PTPRD: variants seen among roughly 807,000 people sequenced by gnomAD.
PTPRD encodes protein tyrosine phosphatase receptor type D, also known as receptor-type tyrosine-protein phosphatase delta.
Under a neutral mutation model 214.5 loss-of-function variants are expected in PTPRD, and 34 were observed. That is an observed-to-expected ratio of 0.16 (90% confidence interval 0.12 to 0.21). The LOEUF is 0.21. Ranked by LOEUF, PTPRD falls within the 10% of genes least tolerant of loss-of-function variation. The pLI is 1.00. For synonymous variants in PTPRD, 1,128 were observed against 845.7 expected (o/e 1.33, Z -5.79); for missense variants, 2,545 against 2,398.7 (o/e 1.06, Z -1.27).
intron 3 of PTPRD, among the ~76,000 whole-genome samples, chr9:10,078,946 T>A (rs959452864): frequency 6.6e-5 from 10 of 152,150 alleles, no homozygotes; most frequent in South Asian, 2.1e-4. Context: ...GGTTGAACAT[T>A]ATCCAGCTTA....
chr9:9,818,480 T>G (rs1010389371), intron 5 of PTPRD, among the ~76,000 whole-genome samples: 2 of 152,118 alleles, frequency 1.3e-5, no homozygotes, highest in African/African-American at 4.8e-5. Context: ...ATGAGTAATG[T>G]TGATGTTACT....
chr9:9,235,700 A>T (rs1194688416), intron 9 of PTPRD, among the ~76,000 whole-genome samples: 1 of 152,166 alleles, frequency 6.6e-6, no homozygotes, highest in African/African-American at 2.4e-5. Flanking sequence ...AAAGGTCAGA[A>T]TTTTTATCAA....
At chr9:8,564,131 T>A (rs984741721) in intron 14 of PTPRD, among the ~76,000 whole-genome samples, 2 of 148,144 alleles carry the variant, frequency 1.4e-5, no homozygotes, top group East Asian at 2.0e-4. Context: ...GTCAGCCACA[T>A]GATCTGGAGG....
intron 3 of PTPRD, among the ~76,000 whole-genome samples, chr9:10,057,747 G>A (rs2097683373): frequency 6.6e-6 from 1 of 151,838 alleles, no homozygotes; most frequent in Non-Finnish European, 1.5e-5. Context: ...GGAATCTGAG[G>A]GAGGGGAGTT....
At chr9:9,780,910 A>G (rs1200080974) in intron 5 of PTPRD, among the ~76,000 whole-genome samples, 1 of 152,208 alleles carries the variant, frequency 6.6e-6, no homozygotes, top group Admixed American at 6.5e-5. Flanking sequence ...ATAACAAATG[A>G]CTGAGTGAAA....
At chr9:10,563,361 T>A (rs1343363222) in intron 2 of PTPRD, among the ~76,000 whole-genome samples, 2 of 151,884 alleles carry the variant, frequency 1.3e-5, no homozygotes, top group Non-Finnish European at 2.9e-5. Context: ...AAGGAAGAAA[T>A]GAGAAAAAAA....
intron 2 of PTPRD, among the ~76,000 whole-genome samples, chr9:10,375,130 T>C (rs190204203): frequency 1.3e-5 from 2 of 152,146 alleles, no homozygotes; most frequent in Non-Finnish European, 2.9e-5. Flanking sequence ...AAATAGACAA[T>C]TTACTTTTTC....
At chr9:10,117,581 G>A (rs2098740650) in intron 3 of PTPRD, among the ~76,000 whole-genome samples, 1 of 147,784 alleles carries the variant, frequency 6.8e-6, no homozygotes, top group South Asian at 2.2e-4. Flanking sequence ...TCTTCACTTG[G>A]CCTTCTTCCC....
intron 3 of PTPRD, among the ~76,000 whole-genome samples, chr9:10,280,290 A>G (rs563318210): frequency 6.6e-6 from 1 of 152,154 alleles, no homozygotes; most frequent in South Asian, 2.1e-4. Context: ...ATTTTTCTAG[A>G]TTCTCAGAAA....
At chr9:9,849,091 T>C (rs2060074835) in intron 5 of PTPRD, among the ~76,000 whole-genome samples, 1 of 151,892 alleles carries the variant, frequency 6.6e-6, no homozygotes, top group African/African-American at 2.4e-5. Context: ...TGTTTTTAAA[T>C]ACATAGACAC....
chr9:8,714,402 A>T (rs2098407319), intron 12 of PTPRD, among the ~76,000 whole-genome samples: 1 of 151,996 alleles, frequency 6.6e-6, no homozygotes, highest in South Asian at 2.1e-4. Flanking sequence ...CCTTGGCACA[A>T]GCTTTTTTTT....
chr9:10,581,792 A>G (rs1567049982), intron 2 of PTPRD, among the ~76,000 whole-genome samples: 1 of 152,152 alleles, frequency 6.6e-6, no homozygotes, highest in Admixed American at 6.5e-5. Context: ...AAATTAAATG[A>G]TGCTTTTTAA....
chr9:8,631,693 TATC>T (rs2096258044), intron 14 of PTPRD, among the ~76,000 whole-genome samples: 1 of 151,860 alleles, frequency 6.6e-6, no homozygotes, highest in South Asian at 2.1e-4. Context: ...TATACGTATG[TATC>T]TTGCTGGAGT....
At chr9:9,271,350 G>T (rs951092711) in intron 9 of PTPRD, among the ~76,000 whole-genome samples, 1 of 148,942 alleles carries the variant, frequency 6.7e-6, no homozygotes, top group Non-Finnish European at 1.5e-5. Flanking sequence ...GGAAAAGTAC[G>T]TTCACCTTCT....
intron 5 of PTPRD, among the ~76,000 whole-genome samples, chr9:9,781,766 C>T (rs1425162901): frequency 6.6e-6 from 1 of 150,960 alleles, no homozygotes; most frequent in African/African-American, 2.4e-5. Flanking sequence ...CCTCTATTAT[C>T]TTTTGACTAA....
intron 35 of PTPRD, among the ~76,000 whole-genome samples, chr9:8,405,539 T>G (rs780231490): frequency 1.3e-5 from 2 of 152,120 alleles, no homozygotes; most frequent in Non-Finnish European, 2.9e-5. Flanking sequence ...AAATTCAGGT[T>G]TGATCATAAA....
chr9:8,979,136 A>G (rs907918985), intron 11 of PTPRD, among the ~76,000 whole-genome samples: 1 of 152,218 alleles, frequency 6.6e-6, no homozygotes, highest in African/African-American at 2.4e-5. Flanking sequence ...ACACCAGGCA[A>G]GCCTGAAGTT....
intron 3 of PTPRD, among the ~76,000 whole-genome samples, chr9:10,111,918 G>A (rs543897186): frequency 1.3e-5 from 2 of 152,292 alleles, no homozygotes; most frequent in South Asian, 4.1e-4. Flanking sequence ...ACTAGCTGCA[G>A]TGTATTTTTC....
chr9:9,058,373 C>T (rs1438547793), intron 10 of PTPRD, among the ~76,000 whole-genome samples: 1 of 150,324 alleles, frequency 6.7e-6, no homozygotes, highest in Non-Finnish European at 1.5e-5. Flanking sequence ...GGCTAAATCC[C>T]CTGAAGAGCT....
Sources: gnomAD v4.1 joint callset for allele counts (sites outside exome capture counted in the v4.1 genomes callset) on GRCh38, gnomAD v4.1.1 for gene constraint, MANE v1.5 for transcripts, NCBI Gene and HGNC (gene_info 2026-07-23, HGNC 2026-07-21) for gene names.